Variants in ATP6AP1 observed in about 807,000 individuals in gnomAD.
ATP6AP1 encodes V-type proton ATPase subunit S1.
Under a neutral mutation model 32.0 loss-of-function variants are expected in ATP6AP1, and 1 was observed. The observed-to-expected ratio is 0.03, with a 90% CI of 0.01 to 0.15. ATP6AP1 has a LOEUF of 0.15. Among genes scored for constraint, ATP6AP1 ranks in the 10% least tolerant of loss-of-function variants. The pLI is 1.00. For missense variants in ATP6AP1, 297 were observed against 398.8 expected (o/e 0.74, Z 2.17); for synonymous variants, 187 against 174.9 (o/e 1.07, Z -0.55).
At position 154,435,820 on chromosome X, in the gene ATP6AP1, C is replaced by A. The variant is rs782673056; in HGVS notation, c.1342C>A (p.Leu448Ile). 2 of 1,212,027 alleles carry A rather than the reference C, an allele frequency of 1.7e-6. No individual in the cohort carries two copies. The highest frequency in any genetic ancestry group is 3.5e-5 in the South Asian group (2 of 57,013). Residue 448 changes from leucine to isoleucine, a missense_variant, in exon 10 of 10, where the codon CTC (leucine) becomes ATC (isoleucine). This residue lies in a region of ATP6AP1 where 155 missense variants were observed against 253.8 expected (regional missense o/e 0.61). Transcript: ENST00000369762. Reference protein sequence around the residue: ...FIFTYGLHMILSLKTMDRFDD... With the variant: ...FIFTYGLHMIISLKTMDRFDD... ...CTTCACCTATGGCCTGCACATGATC[C>A]TCAGCCTCAAGACCATGGATCGCTT...
intron 7 of ATP6AP1, among the ~76,000 whole-genome samples, chrX:154,434,684 TGGTTGTTAACACCTCAA>T (rs2068710320): frequency 9.0e-6 from 1 of 111,703 alleles, no homozygotes; most frequent in Non-Finnish European, 1.9e-5. Flanking sequence ...GTTGGGACCT[TGGTTGTTAACACCTCAA>T]GGTTACCTGG....
rs782098424 is a variant in ATP6AP1, at chrX:154,434,219, T to G, written c.696T>G (p.Asp232Glu). 1.7e-6 allele frequency: 2 copies of G among 1,209,794 alleles called. No individual in the cohort carries two copies. Among genetic ancestry groups the G allele is most frequent in the East Asian group, 5.9e-5 (2 of 33,778 alleles). ...GGGTGTTTCTGCAGGTGGCCCGTGA[T>G]GTAGCCGTGGTGGCCGGAGGGCTAG... ...TAVRPSRVAR[D>E]VAVVAGGLGR... The change falls in exon 7 of 10, where the codon GAT (aspartate) becomes GAG (glutamate). Residue 232 changes from aspartate to glutamate, a missense_variant. Physicochemically the swap from Asp to Glu is conservative, Grantham distance 45 (BLOSUM62 2). This residue lies in a region of ATP6AP1 where 155 missense variants were observed against 253.8 expected (regional missense o/e 0.61). Transcript: ENST00000369762.
rs1305642150 is a variant in ATP6AP1, at chrX:154,432,453, C to T, written c.551C>T (p.Thr184Ile). Reference sequence around the variant, plus strand: ...CTGCTGCTCATTCGCCTGCCCTACACAGCCAGGTACTGCCCGCATGGCCCA... The same window carrying T: ...CTGCTGCTCATTCGCCTGCCCTACATAGCCAGGTACTGCCCGCATGGCCCA... ...PALLLIRLPYTASSGLMAPRE... is the reference protein window; with the variant it reads ...PALLLIRLPYIASSGLMAPRE... The change falls in exon 4 of 10, where the codon ACA (threonine) becomes ATA (isoleucine). Residue 184 changes from threonine (T) to isoleucine (I), a missense_variant. Thr to Ile is a moderately conservative substitution (Grantham distance 89). Around this residue, in one of 2 missense-constraint regions of ATP6AP1, gnomAD observed 155 missense variants for 253.8 expected, o/e 0.61. Coordinates refer to ENST00000369762, the MANE Select transcript of ATP6AP1 (RefSeq NM_001183.6). The T allele has an allele frequency of 1.7e-6, 2 of 1,178,464 alleles. No individual in the cohort carries two copies. Among genetic ancestry groups the T allele is most frequent in the East Asian group, 6.2e-5 (2 of 32,438 alleles).
chrX:154,432,495 C>A (rs2068699515), intron 4 of ATP6AP1, 36 bp downstream of exon 4: 1 of 1,141,820 alleles, frequency 8.8e-7, no homozygotes, highest in South Asian at 2.0e-5. Flanking sequence ...AGCCTCGGGG[C>A]CCAGAGAGCA....
Position 154,435,251 on chromosome X carries a change from G to A in ATP6AP1, c.972-23G>A, listed in dbSNP as rs782637100. On this transcript the variant is annotated intron_variant, in intron 8 of 9. Transcript: ENST00000369762. ...TGGCCCCAGCCTCCCCAGCTCACCT[G>A]ACATCCCTGCCACCTTCCCCAGGTT... 1.2e-5 allele frequency: 15 copies of A among 1,208,136 alleles called. 1 individual carries two copies.
chrX:154,430,054 C>T (rs2068685407), intron 2 of ATP6AP1: 1 of 110,938 alleles, frequency 9.0e-6, no homozygotes, highest in Non-Finnish European at 1.9e-5. Flanking sequence ...ACAGTTTCTA[C>T]ATCTGTAAAA....
chrX:154,435,910 GT>G lies in ATP6AP1; in HGVS notation c.*21del. On this transcript the variant is annotated 3_prime_UTR_variant, in exon 10 of 10. Coordinates refer to ENST00000369762, the MANE Select transcript of ATP6AP1 (RefSeq NM_001183.6). Reference sequence around the variant, plus strand: ...TGTGTGACCCTGTGCCAGTGGGGGGGTTGAGGGTGGGACGGTGTCCGTGTTG... The same window carrying G: ...TGTGTGACCCTGTGCCAGTGGGGGGGTGAGGGTGGGACGGTGTCCGTGTTG... The G allele has an allele frequency of 8.4e-7, 1 of 1,184,097 alleles. No individual in the cohort carries two copies. Among genetic ancestry groups the G allele is most frequent in the Non-Finnish European group, 1.1e-6 (1 of 871,345 alleles).
rs782433343 is a variant in ATP6AP1, at chrX:154,433,347, G to A, written c.599-288G>A. On this transcript the variant is annotated intron_variant, in intron 5 of 9. Transcript: ENST00000369762. ...AGTCACTCCCCATGGAAAGGCAGTCGTGAACCTTTCATGGGTGGATGTGGA... is the reference window on the plus strand; with the variant it reads ...AGTCACTCCCCATGGAAAGGCAGTCATGAACCTTTCATGGGTGGATGTGGA... Among the ~76,000 whole-genome samples, 57 of 112,623 alleles carry A rather than the reference G, an allele frequency of 5.1e-4. 1 individual carries two copies. The highest frequency in any genetic ancestry group is 1.6e-3 in the African/African-American group (51 of 31,033).
chrX:154,430,376 C>T (rs1448959345), intron 2 of ATP6AP1: 2 of 112,376 alleles, frequency 1.8e-5, no homozygotes, highest in East Asian at 2.8e-4. Context: ...ACCTCAGCCT[C>T]CCAAACTGCT....
Position 154,435,704 on chromosome X carries a change from G to C in ATP6AP1, c.1226G>C (p.Gly409Ala). 1 of 1,211,849 alleles carries C rather than the reference G, an allele frequency of 8.3e-7. No individual in the cohort carries two copies. Among genetic ancestry groups the C allele is most frequent in the Admixed American group, 2.2e-5 (1 of 46,060 alleles). Residue 409 changes from glycine to alanine, a missense_variant, in exon 10 of 10, where the codon GGG (glycine) becomes GCG (alanine). By Grantham distance (60) the Gly-to-Ala change is moderately conservative. Coordinates refer to ENST00000369762, the MANE Select transcript of ATP6AP1 (RefSeq NM_001183.6). ...DFQIQAFNVM[G>A]EQFSYASDCA... ...CAGATCCAGGCTTTCAACGTAATGG[G>C]GGAGCAGTTCTCCTACGCCAGCGAC... is the stretch of plus-strand genomic sequence containing the variant.
intron 7 of ATP6AP1, 94 bp downstream of exon 7, chrX:154,434,540 G>A (rs1171443024): frequency 1.1e-6 from 1 of 894,247 alleles, no homozygotes; most frequent in Non-Finnish European, 1.6e-6. Context: ...GGTCAGGTCT[G>A]TGTTTTGGGG....
rs782052848 is a variant in ATP6AP1 at position 154,429,087 on chromosome X, C to T, written c.201C>T (p.His67=). The change falls in exon 2 of 10, where the codon CAC becomes CAT. Residue 67 remains histidine (H), a synonymous_variant. Transcript: ENST00000369762. ...CTGCGGCCGACACTCATGAAGGCCACATCACCAGCGACTTGCAGCTCTCTA... is the reference window on the plus strand; with the variant it reads ...CTGCGGCCGACACTCATGAAGGCCATATCACCAGCGACTTGCAGCTCTCTA... ...WAPAADTHEG[H]ITSDLQLSTY... 9 of 1,211,991 alleles carry T rather than the reference C, an allele frequency of 7.4e-6. No individual in the cohort carries two copies. In the Admixed American group the frequency reaches 2.0e-4, roughly 26 times the overall value.
rs373210240 is a variant in ATP6AP1, at chrX:154,432,384, T to C, written c.482T>C (p.Leu161Pro). Residue 161 changes from leucine to proline, a missense_variant, in exon 4 of 10, where the codon CTG becomes CCG. Transcript: ENST00000369762. ...GGGGCCAGCCCCTTGCATGTGGACC[T>C]GGCCACCCTGCGGGAGCTGAAGCTC... ...KLGASPLHVD[L>P]ATLRELKLNA... is the part of the protein sequence containing the mutation. The C allele has an allele frequency of 1.7e-6, 2 of 1,210,196 alleles. No homozygotes were observed. Among genetic ancestry groups the C allele is most frequent in the Non-Finnish European group, 2.2e-6 (2 of 894,660 alleles).
chrX:154,432,018 G>C, intron 3 of ATP6AP1, 114 bp downstream of exon 3: 2 of 831,538 alleles, frequency 2.4e-6, no homozygotes, highest in Non-Finnish European at 3.5e-6. Context: ...GTCTCTTCTG[G>C]GTCAACCATC....
In ATP6AP1 at chrX:154,428,803, GGCGGCA is replaced by G; in HGVS notation, c.117_122del (p.Ala40_Ala41del). 8.9e-7 allele frequency: 1 copy of G among 1,117,891 alleles called. No homozygotes were observed. The highest frequency in any genetic ancestry group is 1.2e-6 in the Non-Finnish European group (1 of 856,773). The allele number at this position is 1,117,891 out of a possible 1,213,427, so 92.1% of individuals were successfully genotyped here. A position where few individuals can be genotyped will look rare whatever the true frequency, so the allele number is the denominator to read the frequency against. On this transcript the variant is annotated inframe_deletion, in exon 1 of 10. Coordinates refer to ENST00000369762, the MANE Select transcript of ATP6AP1 (RefSeq NM_001183.6). ...TTTTGTCGTTGGCGGCGGCGGCGGC[GGCGGCA>G]GCGGCGGAGCAGCAGGTCCCGCTGG... is the stretch of plus-strand genomic sequence containing the variant.
chrX:154,429,411 C>T (rs1159004076), intron 2 of ATP6AP1: 1 of 388,961 alleles, frequency 2.6e-6, no homozygotes, highest in Admixed American at 4.7e-5. Context: ...CAGGTACCTA[C>T]TGAGTACCAA....
At position 154,432,464 on chromosome X, in the gene ATP6AP1, T is replaced by G; in HGVS notation, c.557+5T>G. The G allele has an allele frequency of 8.6e-7, 1 of 1,168,294 alleles. No homozygotes were observed. The highest frequency in any genetic ancestry group is 3.3e-4 in the Middle Eastern group (1 of 3,065). ...TCGCCTGCCCTACACAGCCAGGTAC[T>G]GCCCGCATGGCCCAGCCACCAGCCT... On this transcript the variant is annotated splice_donor_5th_base_variant and intron_variant, in intron 4 of 9. Coordinates refer to ENST00000369762, the MANE Select transcript of ATP6AP1 (RefSeq NM_001183.6).
intron 2 of ATP6AP1, 63 bp downstream of exon 2, chrX:154,429,237 T>C: frequency 8.6e-7 from 1 of 1,157,821 alleles, no homozygotes; most frequent in Non-Finnish European, 1.2e-6. Context: ...CCTCCCCCCA[T>C]GACACTGACG....
In ATP6AP1 at chrX:154,435,416, G is replaced by A. The variant is rs1557197509; in HGVS notation, c.1114G>A (p.Glu372Lys). The change falls in exon 9 of 10, where the codon GAG (glutamate) becomes AAG (lysine). Residue 372 changes from glutamate (E) to lysine (K), a missense_variant. Transcript: ENST00000369762. ...TGPSIYSFHC[E>K]YVSSLSKKGS... is the part of the protein sequence containing the mutation. ...GCCCAGCATCTACTCCTTCCACTGC[G>A]AGTATGTCAGCAGCCTGAGCAAGAA... 2.5e-6 allele frequency: 3 copies of A among 1,210,836 alleles called. No homozygotes were observed. Among genetic ancestry groups the A allele is most frequent in the South Asian group, 1.8e-5 (1 of 56,920 alleles).
Sources: allele counts gnomAD v4.1 joint callset (sites outside exome capture counted in the v4.1 genomes callset), GRCh38; gene constraint gnomAD v4.1.1; regional missense constraint gnomAD v4.1.1; transcripts MANE v1.5; gene names NCBI Gene and HGNC (gene_info 2026-07-23, HGNC 2026-07-21).